FAAH2: variants seen among roughly 807,000 people sequenced by gnomAD.
FAAH2 encodes fatty acid amide hydrolase 2, also known as fatty-acid amide hydrolase 2.
FAAH2 carries 60 observed loss-of-function variants against 36.9 expected under a neutral mutation model. The observed-to-expected ratio is 1.63, with a 90% CI of 1.32 to 2.02. The LOEUF (loss-of-function observed/expected upper bound fraction) is 2.02, where lower values mean the gene tolerates loss of function less well. Ranked by LOEUF, FAAH2 falls within the 30% of genes most tolerant of loss-of-function variation. FAAH2 has a pLI of 0.00. For missense variants in FAAH2, 689 were observed against 397.5 expected (o/e 1.73, Z -6.23); for synonymous variants, 214 against 143.8 (o/e 1.49, Z -3.49).
chrX:57,433,061 A>G (rs2056338476), intron 8 of FAAH2, among the ~76,000 whole-genome samples: 1 of 111,248 alleles, frequency 9.0e-6, no homozygotes, highest in Non-Finnish European at 1.9e-5. Flanking sequence ...AAACGTTTAT[A>G]CAAATTCACA....
intron 8 of FAAH2, among the ~76,000 whole-genome samples, chrX:57,440,368 A>G (rs1480247604): frequency 9.0e-6 from 1 of 111,060 alleles, no homozygotes; most frequent in East Asian, 2.8e-4. Context: ...AAACAATTGT[A>G]AATGGGAATT....
At chrX:57,147,897 T>G in the FAAH2 span, among the ~76,000 whole-genome samples, 149 of 112,186 alleles carry the variant, frequency 1.3e-3, no homozygotes, top group Non-Finnish European at 2.5e-3. Flanking sequence ...GATTTCTAGT[T>G]TTATTCCACT....
intron 7 of FAAH2, among the ~76,000 whole-genome samples, chrX:57,404,788 G>T (rs1188416059): frequency 8.9e-6 from 1 of 111,976 alleles, no homozygotes; most frequent in Admixed American, 9.4e-5. Context: ...GGAAAGTCGT[G>T]GTCCAGACCC....
At chrX:57,158,667 T>C in the FAAH2 span, among the ~76,000 whole-genome samples, 1 of 112,415 alleles carries the variant, frequency 8.9e-6, no homozygotes, top group Non-Finnish European at 1.9e-5. Flanking sequence ...TGTCTGTTCA[T>C]ATCCTTTGCC....
intron 7 of FAAH2, chrX:57,393,528 C>A: frequency 1.0e-6 from 1 of 957,450 alleles, no homozygotes; most frequent in Non-Finnish European, 1.5e-6. Context: ...GCGATGATGG[C>A]AAATGGGCCT....
the FAAH2 span, among the ~76,000 whole-genome samples, chrX:57,124,795 G>T: frequency 1.8e-5 from 2 of 111,524 alleles, no homozygotes; most frequent in Non-Finnish European, 3.8e-5. Context: ...TCATGATTTG[G>T]CTCCCTGTTT....
chrX:57,328,754 C>T (rs953580110), intron 3 of FAAH2, among the ~76,000 whole-genome samples: 10 of 111,326 alleles, frequency 9.0e-5, no homozygotes, highest in African/African-American at 3.3e-4. Flanking sequence ...TAGTTGATAA[C>T]CTTGGGCGAT....
chrX:57,171,769 A>T, the FAAH2 span, among the ~76,000 whole-genome samples: 4 of 111,460 alleles, frequency 3.6e-5, no homozygotes, highest in Non-Finnish European at 5.7e-5. Flanking sequence ...AGTTTAATTA[A>T]ACCCCATTTA....
intron 1 of FAAH2, among the ~76,000 whole-genome samples, chrX:57,291,505 T>A (rs770173844): frequency 8.9e-6 from 1 of 112,265 alleles, no homozygotes; most frequent in South Asian, 3.6e-4. Flanking sequence ...AGCTGAGCTT[T>A]TTTTAAAACC....
At chrX:57,336,413 A>G (rs1355274754) in intron 4 of FAAH2, among the ~76,000 whole-genome samples, 1 of 111,749 alleles carries the variant, frequency 8.9e-6, no homozygotes, top group Non-Finnish European at 1.9e-5. Context: ...TTGCTCACAG[A>G]AAGCCTGTTT....
the FAAH2 span, among the ~76,000 whole-genome samples, chrX:57,175,448 C>G: frequency 9.0e-6 from 1 of 111,707 alleles, no homozygotes; most frequent in Non-Finnish European, 1.9e-5. Context: ...TACCTTGAAT[C>G]CATAAGAATT....
intron 10 of FAAH2, among the ~76,000 whole-genome samples, chrX:57,459,877 C>T (rs1373538530): frequency 8.9e-6 from 1 of 111,967 alleles, no homozygotes; most frequent in African/African-American, 3.2e-5. Context: ...GATAAATCCA[C>T]TACAATGAAG....
intron 7 of FAAH2, among the ~76,000 whole-genome samples, chrX:57,383,163 G>C (rs1232396506): frequency 2.7e-5 from 3 of 111,927 alleles, no homozygotes. Flanking sequence ...ATTAGGTATT[G>C]ATGGGACGTA....
chrX:57,381,692 C>T (rs760511514), intron 7 of FAAH2: 1 of 125,486 alleles, frequency 8.0e-6, no homozygotes, highest in Non-Finnish European at 1.5e-5. Flanking sequence ...CCTTAGAGAC[C>T]TACAAAGAGA....
chrX:57,430,098 G>C (rs1386280989), intron 7 of FAAH2, among the ~76,000 whole-genome samples: 3 of 111,485 alleles, frequency 2.7e-5, no homozygotes, highest in Non-Finnish European at 5.7e-5. Flanking sequence ...ACATTATTAG[G>C]TTGATGGCTA....
At chrX:57,222,383 A>C in the FAAH2 span, among the ~76,000 whole-genome samples, 12 of 110,915 alleles carry the variant, frequency 1.1e-4, no homozygotes, top group African/African-American at 3.6e-4. Flanking sequence ...CTCCCTCTAT[A>C]TCGACAGATG....
intron 4 of FAAH2, 65 bp from the exon 5 acceptor site, chrX:57,341,195 GAAAAGATGGAA>G: frequency 9.4e-7 from 1 of 1,061,989 alleles, no homozygotes; most frequent in Non-Finnish European, 1.3e-6. Flanking sequence ...GGTTGAAAGT[GAAAAGATGGAA>G]AAAGATATTC....
the FAAH2 span, among the ~76,000 whole-genome samples, chrX:57,239,890 G>T: frequency 9.0e-6 from 1 of 111,722 alleles, no homozygotes; most frequent in African/African-American, 3.2e-5. Flanking sequence ...GATCAGTTTT[G>T]TTCTTTCTTA....
At chrX:57,206,567 G>T in the FAAH2 span, among the ~76,000 whole-genome samples, 3 of 112,453 alleles carry the variant, frequency 2.7e-5, no homozygotes, top group African/African-American at 9.7e-5. Context: ...TATAAGTCTG[G>T]CAAATTGTTG....
Sources: allele counts gnomAD v4.1 joint callset (sites outside exome capture counted in the v4.1 genomes callset), GRCh38; gene constraint gnomAD v4.1.1; transcripts MANE v1.5; gene names NCBI Gene and HGNC (gene_info 2026-07-23, HGNC 2026-07-21).